Variants in ADAMTSL1 observed in about 807,000 individuals in gnomAD.
The protein encoded by ADAMTSL1 is ADAMTS-like protein 1.
In ADAMTSL1, 126 loss-of-function variants were observed where a neutral mutation model predicts 201.8. The ratio of observed to expected loss-of-function variants is 0.62; its 90% CI spans 0.54 to 0.72. ADAMTSL1 has a LOEUF of 0.72. ADAMTSL1 is among the 30% of genes least tolerant of loss of function. The pLI, the probability that ADAMTSL1 is intolerant of heterozygous loss-of-function variation, is 0.00. For missense variants in ADAMTSL1, 2,679 were observed against 2,277.8 expected, an observed-to-expected ratio of 1.18 and a Z score of -3.59; for synonymous variants, 1,121 against 903.4, an observed-to-expected ratio of 1.24 and a Z score of -4.32.
At chr9:18,333,448 C>A (rs1255136647) in intron 2 of ADAMTSL1, among the ~76,000 whole-genome samples, 1 of 152,158 alleles carries the variant, frequency 6.6e-6, no homozygotes, top group Non-Finnish European at 1.5e-5. Context: ...ACTCCCCAGC[C>A]ATGTGGAATT....
intron 1 of ADAMTSL1, among the ~76,000 whole-genome samples, chr9:18,099,921 C>T (rs4497064): frequency 0.025 from 3,776 of 152,144 alleles, 90 homozygotes; most frequent in African/African-American, 0.055. Context: ...CCGCTGCGCC[C>T]GGCCCTTTTT....
intron 9 of ADAMTSL1, among the ~76,000 whole-genome samples, chr9:18,664,717 A>G (rs1010986508): frequency 6.6e-6 from 1 of 152,056 alleles, no homozygotes; most frequent in Non-Finnish European, 1.5e-5. Context: ...CAAGGCTTGC[A>G]TGTGTCATTG....
chr9:17,926,394 A>G (rs956083221), intron 1 of ADAMTSL1, among the ~76,000 whole-genome samples: 1 of 152,084 alleles, frequency 6.6e-6, no homozygotes, highest in Non-Finnish European at 1.5e-5. Context: ...TTATTTCACC[A>G]CTCGGCCACA....
chr9:18,259,443 C>G (rs1412610312), intron 2 of ADAMTSL1, among the ~76,000 whole-genome samples: 1 of 150,382 alleles, frequency 6.6e-6, no homozygotes, highest in East Asian at 2.0e-4. Context: ...GCCCGGGAGG[C>G]AGAGGTTGCA....
chr9:18,357,923 T>C (rs140338956), intron 2 of ADAMTSL1, among the ~76,000 whole-genome samples: 7 of 152,274 alleles, frequency 4.6e-5, no homozygotes, highest in African/African-American at 1.4e-4. Flanking sequence ...TGCCCCATAA[T>C]GGATTAGACT....
intron 2 of ADAMTSL1, among the ~76,000 whole-genome samples, chr9:18,383,789 G>T (rs1339221305): frequency 6.6e-6 from 1 of 152,180 alleles, no homozygotes; most frequent in African/African-American, 2.4e-5. Flanking sequence ...ACGAGGCCAA[G>T]CTCAGGTATG....
chr9:18,247,525 T>A (rs1332176111), intron 2 of ADAMTSL1, among the ~76,000 whole-genome samples: 1 of 152,102 alleles, frequency 6.6e-6, no homozygotes, highest in Non-Finnish European at 1.5e-5. Context: ...ACTAAGTTGG[T>A]GGGAAGTGCT....
At chr9:18,125,399 G>A (rs1433610118) in intron 1 of ADAMTSL1, among the ~76,000 whole-genome samples, 1 of 152,090 alleles carries the variant, frequency 6.6e-6, no homozygotes, top group African/African-American at 2.4e-5. Context: ...TTCAAGTTAA[G>A]ATTTGGGTAG....
At chr9:18,738,376 G>C (rs917401668) in intron 15 of ADAMTSL1, among the ~76,000 whole-genome samples, 1 of 152,176 alleles carries the variant, frequency 6.6e-6, no homozygotes, top group Non-Finnish European at 1.5e-5. Context: ...CTATCTGAGA[G>C]TGAAAAGTAG....
chr9:18,085,384 G>T (rs2131790958), intron 1 of ADAMTSL1, among the ~76,000 whole-genome samples: 1 of 151,564 alleles, frequency 6.6e-6, no homozygotes, highest in African/African-American at 2.4e-5. Context: ...TGATGAAATG[G>T]CATAATATAA....
chr9:18,250,984 G>A (rs1172663971), intron 2 of ADAMTSL1, among the ~76,000 whole-genome samples: 1 of 152,106 alleles, frequency 6.6e-6, no homozygotes, highest in African/African-American at 2.4e-5. Flanking sequence ...CCATGTGACT[G>A]TCTTAGAGCA....
chr9:17,923,771 T>C (rs1465437171), intron 1 of ADAMTSL1, among the ~76,000 whole-genome samples: 3 of 139,614 alleles, frequency 2.1e-5, no homozygotes, highest in African/African-American at 8.1e-5. Context: ...TTGTCATAGA[T>C]AGCTCTTATT....
intron 1 of ADAMTSL1, among the ~76,000 whole-genome samples, chr9:18,006,434 A>AC (rs1391297752): frequency 6.6e-6 from 1 of 151,992 alleles, no homozygotes; most frequent in East Asian, 1.9e-4. Flanking sequence ...GCTCCAACAT[A>AC]CCAGTGAATT....
chr9:18,167,973 G>A (rs2132110808), intron 2 of ADAMTSL1, among the ~76,000 whole-genome samples: 1 of 152,074 alleles, frequency 6.6e-6, no homozygotes, highest in South Asian at 2.1e-4. Context: ...AGGAACAAAT[G>A]TGATCTAATT....
At chr9:18,494,481 A>G (rs1822428941) in intron 1 of ADAMTSL1, among the ~76,000 whole-genome samples, 1 of 152,168 alleles carries the variant, frequency 6.6e-6, no homozygotes, top group African/African-American at 2.4e-5. Flanking sequence ...AAATAAAAAG[A>G]TGTGAGCAAG....
intron 2 of ADAMTSL1, among the ~76,000 whole-genome samples, chr9:18,263,118 C>T (rs1357547463): frequency 1.3e-5 from 2 of 152,234 alleles, no homozygotes; most frequent in East Asian, 3.9e-4. Flanking sequence ...TCATCACAGG[C>T]CCTAGCACAA....
rs1054121904 is a variant in ADAMTSL1, at chr9:18,027,203, T to G, written c.87+120281T>G. On this transcript the variant is annotated intron_variant, in intron 1 of 29. Coordinates refer to the ADAMTSL1 transcript ENST00000680146. ...GGTCCTTTGTATAGATTTTTGGGTC[T>G]GTATTTCATTCAGTGCTGCTCTAGT... Among the ~76,000 whole-genome samples, 3 of 151,870 alleles carry G rather than the reference T, an allele frequency of 2.0e-5. No individual in the cohort carries two copies. In the East Asian group the frequency reaches 5.8e-4, roughly 29 times the overall value.
intron 10 of ADAMTSL1, among the ~76,000 whole-genome samples, chr9:18,676,609 C>T (rs1830145733): frequency 6.6e-6 from 1 of 152,038 alleles, no homozygotes; most frequent in Non-Finnish European, 1.5e-5. Context: ...ACTCTAGCTA[C>T]TGAGTGTGTT....
Position 18,622,355 on chromosome 9 carries a change from T to C in ADAMTSL1, c.587T>C (p.Leu196Pro). 2 of 1,614,022 alleles carry C rather than the reference T, an allele frequency of 1.2e-6. No individual in the cohort carries two copies. Among genetic ancestry groups the C allele is most frequent in the South Asian group, 2.2e-5 (2 of 91,084 alleles). Reference protein sequence around the residue: ...RLVRGQYKSQLSATKSDDTVV... With the variant: ...RLVRGQYKSQPSATKSDDTVV... ...GTCCGAGGGCAGTATAAATCCCAGC[T>C]CTCCGCAACCAAATGTAAGACACAC... Residue 196 changes from leucine to proline, a missense_variant, in exon 5 of 29, where the codon CTC (leucine) becomes CCC (proline). Leu to Pro is a moderately conservative substitution (Grantham distance 98, BLOSUM62 -3). Transcript: ENST00000380548.
Sources: allele counts gnomAD v4.1 joint callset (sites outside exome capture counted in the v4.1 genomes callset), GRCh38; gene constraint gnomAD v4.1.1; transcripts MANE v1.5; gene names NCBI Gene and HGNC (gene_info 2026-07-23, HGNC 2026-07-21).